ITPR2: variants seen among roughly 807,000 people sequenced by gnomAD.
ITPR2 encodes inositol 1,4,5-trisphosphate-gated calcium channel ITPR2.
In ITPR2, 207 loss-of-function variants were observed where a neutral mutation model predicts 317.1. The observed-to-expected ratio is 0.65, with a 90% CI of 0.58 to 0.73. The LOEUF is 0.73. ITPR2 is among the 30% of genes least tolerant of loss of function. The probability of loss-of-function intolerance (pLI) is 0.00; values close to 1 mark genes in which losing one functional copy is unlikely to be tolerated. For missense variants in ITPR2, 2,613 were observed against 3,284.0 expected (o/e 0.80, Z 4.99); for synonymous variants, 1,156 against 1,149.1 (o/e 1.01, Z -0.12).
At chr12:26,602,940 T>C (rs964876746) in intron 26 of ITPR2, among the ~76,000 whole-genome samples, 1 of 152,244 alleles carries the variant, frequency 6.6e-6, no homozygotes, top group African/African-American at 2.4e-5. Context: ...GAATGACCTA[T>C]AATTATATGA....
chr12:26,355,534 T>C (rs1015788408), intron 55 of ITPR2, among the ~76,000 whole-genome samples: 5 of 152,224 alleles, frequency 3.3e-5, no homozygotes, highest in African/African-American at 1.2e-4. Flanking sequence ...TGGGAAGTCA[T>C]AAGCATTCTG....
In ITPR2 at chr12:26,445,444, T is replaced by C. The variant is rs534957105; in HGVS notation, c.6343-1794A>G. ...AGCTTAAACAGAGAAAAGAGCTCCA[T>C]GGAACTCCAATATAGGTTAGGAAGA... is the stretch of plus-strand genomic sequence containing the variant. On this transcript the variant is annotated intron_variant, in intron 45 of 56. Transcript: ENST00000381340. Among the ~76,000 whole-genome samples the C allele has an allele frequency of 4.6e-5, 7 of 152,190 alleles. No individual in the cohort carries two copies. In the East Asian group the frequency reaches 1.4e-3, roughly 29 times the overall value.
intron 9 of ITPR2, among the ~76,000 whole-genome samples, chr12:26,699,446 TG>T (rs1242601701): frequency 6.6e-6 from 1 of 152,104 alleles, no homozygotes; most frequent in Non-Finnish European, 1.5e-5. Flanking sequence ...ATCTGCAAAA[TG>T]AGAAAAAGAC....
intron 45 of ITPR2, among the ~76,000 whole-genome samples, chr12:26,454,178 G>A (rs1941819711): frequency 6.6e-6 from 1 of 152,124 alleles, no homozygotes; most frequent in African/African-American, 2.4e-5. Context: ...ATGTAAATAT[G>A]AGAAATGTGG....
At chr12:26,822,801 T>C (rs1950956591) in intron 1 of ITPR2, among the ~76,000 whole-genome samples, 2 of 152,312 alleles carry the variant, frequency 1.3e-5, no homozygotes, top group South Asian at 4.1e-4. Context: ...TGGAATGCCA[T>C]CTTATTCTCA....
At chr12:26,399,421 A>G (rs529003884) in intron 53 of ITPR2, among the ~76,000 whole-genome samples, 2 of 152,352 alleles carry the variant, frequency 1.3e-5, no homozygotes, top group South Asian at 4.1e-4. Context: ...GGAGGACCTA[A>G]TGACTTGTCA....
intron 1 of ITPR2, among the ~76,000 whole-genome samples, chr12:26,792,899 C>T (rs960808020): frequency 6.6e-6 from 1 of 152,212 alleles, no homozygotes; most frequent in African/African-American, 2.4e-5. Flanking sequence ...CAAGTGCCAG[C>T]ATCCTCTCAC....
intron 46 of ITPR2, 115 bp from the exon 47 acceptor site, chr12:26,439,434 T>C (rs1941435017): frequency 1.4e-6 from 1 of 711,420 alleles, no homozygotes; most frequent in African/African-American, 1.8e-5. Flanking sequence ...TGTGAAAAAA[T>C]GTGCCAACTT....
At chr12:26,805,287 T>C (rs1950621538) in intron 1 of ITPR2, among the ~76,000 whole-genome samples, 1 of 152,154 alleles carries the variant, frequency 6.6e-6, no homozygotes, top group Non-Finnish European at 1.5e-5. Flanking sequence ...CCTCATAGGG[T>C]TTATTTTAAA....
At chr12:26,654,147 G>T in intron 20 of ITPR2, 21 bp from the exon 21 acceptor site, 5 of 1,499,772 alleles carry the variant, frequency 3.3e-6, no homozygotes, top group African/African-American at 1.4e-5. Context: ...AAAAAAAAGC[G>T]GGGAGGGGGA....
At chr12:26,514,019 C>T (rs780235174) in intron 37 of ITPR2, among the ~76,000 whole-genome samples, 56 of 152,184 alleles carry the variant, frequency 3.7e-4, no homozygotes, top group Non-Finnish European at 6.9e-4. Flanking sequence ...TAATAAGCCT[C>T]CTTAGAAATC....
intron 26 of ITPR2, among the ~76,000 whole-genome samples, chr12:26,606,660 G>C (rs1946135235): frequency 6.6e-6 from 1 of 151,706 alleles, no homozygotes; most frequent in African/African-American, 2.4e-5. Context: ...GGCTAGGTAT[G>C]ATAACTCATG....
In ITPR2 at chr12:26,686,579, G is replaced by T; in HGVS notation, c.1050C>A (p.Ile350=). The T allele has an allele frequency of 6.2e-7, 1 of 1,612,132 alleles. No homozygotes were observed. Among genetic ancestry groups the T allele is most frequent in the Non-Finnish European group, 8.5e-7 (1 of 1,178,818 alleles). The stretch of plus-strand genomic sequence containing the variant: ...GCGGGACTGAAACCAAAGTATACAT[G>T]ATCTTCTCCCCTGCCTGGCGTTTTT... ...SKKKRQAGEK[I]MYTLVSVPHG... Residue 350 remains isoleucine, a synonymous_variant, in exon 11 of 57, where the codon ATC becomes ATA. Transcript: ENST00000381340.
At chr12:26,811,301 C>T (rs767051278) in intron 1 of ITPR2, among the ~76,000 whole-genome samples, 1 of 152,166 alleles carries the variant, frequency 6.6e-6, no homozygotes, top group Non-Finnish European at 1.5e-5. Context: ...GAAGAGGAAA[C>T]GTTGTTCTGC....
intron 18 of ITPR2, among the ~76,000 whole-genome samples, chr12:26,657,117 C>T (rs1947387346): frequency 6.6e-6 from 1 of 152,238 alleles, no homozygotes; most frequent in Non-Finnish European, 1.5e-5. Flanking sequence ...TTGGGCCCAA[C>T]TTGGCCCCAA....
intron 55 of ITPR2, among the ~76,000 whole-genome samples, chr12:26,378,555 CT>C (rs1322241633): frequency 6.6e-6 from 1 of 152,186 alleles, no homozygotes; most frequent in African/African-American, 2.4e-5. Flanking sequence ...TGTGATTTGA[CT>C]TAAGGTTTCT....
intron 2 of ITPR2, among the ~76,000 whole-genome samples, chr12:26,763,041 G>A (rs1318522793): frequency 1.3e-5 from 2 of 152,024 alleles, no homozygotes; most frequent in African/African-American, 4.8e-5. Flanking sequence ...AGATTCTAGA[G>A]ATCTATTGTA....
chr12:26,458,203 G>T (rs763946894), intron 45 of ITPR2, among the ~76,000 whole-genome samples: 2 of 152,194 alleles, frequency 1.3e-5, no homozygotes, highest in Non-Finnish European at 2.9e-5. Flanking sequence ...GATGGCAGCA[G>T]GAAGAAACTG....
intron 45 of ITPR2, among the ~76,000 whole-genome samples, chr12:26,469,848 G>T (rs188334681): frequency 2.7e-4 from 41 of 152,262 alleles, no homozygotes; most frequent in African/African-American, 9.4e-4. Flanking sequence ...TCTTTGGCCT[G>T]TTCAGTGTTT....
Sources: allele counts gnomAD v4.1 joint callset (sites outside exome capture counted in the v4.1 genomes callset), GRCh38; gene constraint gnomAD v4.1.1; transcripts MANE v1.5; gene names NCBI Gene and HGNC (gene_info 2026-07-23, HGNC 2026-07-21).